ABCC2: variants seen among roughly 807,000 people sequenced by gnomAD.
The protein encoded by ABCC2 is ATP-binding cassette sub-family C member 2.
Under a neutral mutation model 173.4 loss-of-function variants are expected in ABCC2, and 157 were observed. The ratio of observed to expected loss-of-function variants is 0.91; its 90% confidence interval spans 0.80 to 1.03. The LOEUF is 1.03. Ranked by LOEUF, ABCC2 falls within the 50% of genes least tolerant of loss-of-function variation. ABCC2 has a pLI of 0.00. For synonymous variants in ABCC2, 657 were observed against 693.5 expected, an observed-to-expected ratio of 0.95 and a Z score of 0.83; for missense variants, 1,822 against 1,852.3, an observed-to-expected ratio of 0.98 and a Z score of 0.30.
chr10:99,782,726 C>A lies in ABCC2; in HGVS notation c.-119C>A. The A allele has an allele frequency of 8.5e-7, 1 of 1,181,234 alleles. No homozygotes were observed. The highest frequency in any genetic ancestry group is 1.3e-6 in the Non-Finnish European group (1 of 798,978). The allele number at this position is 1,181,234 out of a possible 1,614,324, so 73.2% of individuals were successfully genotyped here. On this transcript the variant is annotated 5_prime_UTR_variant, in exon 1 of 32. Coordinates refer to ENST00000647814, the MANE Select transcript of ABCC2 (RefSeq NM_000392.5). ...GGTTGGGATGAAAGGTCATCCTTTA[C>A]GGAGAACATCAGAATGGTAGATAAT...
chr10:99,847,205 G>T lies in ABCC2; in HGVS notation c.4313+78G>T. On this transcript the variant is annotated intron_variant, in intron 30 of 31. Transcript: ENST00000647814. Reference sequence around the variant, plus strand: ...CCACTCCTCGTGTTCCTCGTGTTAGGTGATGCCTGGCATAGAATTTTCATC... The same window carrying T: ...CCACTCCTCGTGTTCCTCGTGTTAGTTGATGCCTGGCATAGAATTTTCATC... 3 of 1,513,414 alleles carry T rather than the reference G, an allele frequency of 2.0e-6. No homozygotes were observed. In the Admixed American group the frequency reaches 5.1e-5, roughly 26 times the overall value. The allele number at this position is 1,513,414 out of a possible 1,614,324, so 93.7% of individuals were successfully genotyped here. A position where few individuals can be genotyped will look rare whatever the true frequency, so the allele number is the denominator to read the frequency against.
At chr10:99,842,205 AAAG>A in intron 26 of ABCC2, 112 bp downstream of exon 26, 2 of 1,478,206 alleles carry the variant, frequency 1.4e-6, no homozygotes, top group South Asian at 2.3e-5. Flanking sequence ...CAGAGGGACT[AAAG>A]AAGACTGAGG....
intron 3 of ABCC2, 151 bp downstream of exon 3, chr10:99,792,510 A>G: frequency 8.3e-7 from 1 of 1,209,566 alleles, no homozygotes; most frequent in Non-Finnish European, 1.2e-6. Context: ...GAATGGGGTG[A>G]AACAAATTTT....
At position 99,818,484 on chromosome 10, in the gene ABCC2, A is replaced by G. The variant is rs531521178; in HGVS notation, c.2272-306A>G. On this transcript the variant is annotated intron_variant, in intron 17 of 31. Transcript: ENST00000647814. Reference sequence around the variant, plus strand: ...CTACTATGTGCCAAACAGTGTTTTAAGTTCTGGAATTACATCCATGAACAA... The same window carrying G: ...CTACTATGTGCCAAACAGTGTTTTAGGTTCTGGAATTACATCCATGAACAA... 2.6e-5 allele frequency among the ~76,000 whole-genome samples: 4 copies of G among 152,360 alleles called. No individual in the cohort carries two copies. The South Asian group carries it at 8.3e-4, about 32-fold the overall frequency.
chr10:99,796,920 C>T (rs899007165), intron 6 of ABCC2, among the ~76,000 whole-genome samples, 177 bp from the exon 7 acceptor site: 6 of 152,138 alleles, frequency 3.9e-5, no homozygotes, highest in Non-Finnish European at 4.4e-5. Context: ...TTGCCCCCAC[C>T]CATTCCTTTT....
intron 11 of ABCC2, 105 bp downstream of exon 11, chr10:99,805,552 C>T (rs533841072): frequency 8.5e-6 from 10 of 1,177,706 alleles, no homozygotes; most frequent in East Asian, 7.0e-5. Context: ...GCTTCTGGGC[C>T]GGTTGTGTCA....
intron 2 of ABCC2, among the ~76,000 whole-genome samples, chr10:99,786,277 C>G (rs1036443771): frequency 6.6e-6 from 1 of 151,868 alleles, no homozygotes; most frequent in African/African-American, 2.4e-5. Flanking sequence ...GTCCCCATCT[C>G]TTAAAAAAAT....
At chr10:99,796,195 T>C (rs1287846848) in intron 6 of ABCC2, among the ~76,000 whole-genome samples, 4 of 151,898 alleles carry the variant, frequency 2.6e-5, no homozygotes, top group Non-Finnish European at 4.4e-5. Context: ...AAACCCCATC[T>C]CTACTAAAAA....
intron 2 of ABCC2, among the ~76,000 whole-genome samples, chr10:99,789,878 G>T (rs944341101): frequency 2.6e-5 from 4 of 152,126 alleles, no homozygotes; most frequent in Admixed American, 2.6e-4. Context: ...GTATCAAAAA[G>T]CCAGGATGAA....
intron 5 of ABCC2, 25 bp from the exon 6 acceptor site, chr10:99,794,388 A>C (rs1339980147): frequency 6.2e-7 from 1 of 1,608,876 alleles, no homozygotes; most frequent in East Asian, 2.2e-5. Context: ...ATTGGTTTAC[A>C]TTTCGATTTT....
Position 99,830,870 on chromosome 10 carries a change from AG to A in ABCC2, c.2883+20del. The A allele has an allele frequency of 5.0e-6, 8 of 1,613,610 alleles. No homozygotes were observed. The highest frequency in any genetic ancestry group is 6.8e-6 in the Non-Finnish European group (8 of 1,179,918). On this transcript the variant is annotated intron_variant, in intron 21 of 31. Coordinates refer to ENST00000647814, the MANE Select transcript of ABCC2 (RefSeq NM_000392.5). ...TGGAAAGGTGAACACCACACAGAAA[AG>A]TAGCATTTGAGGTGTTATAAGGTTT...
rs1564684465 is a variant in ABCC2, at chr10:99,814,315, ACACACG to A, written c.2094+1172_2094+1177del. ...CACGTATGTATACACACATGTATAT[ACACACG>A]TATGTATACACACATGTATATATAC... On this transcript the variant is annotated intron_variant, in intron 16 of 31. Coordinates refer to ENST00000647814, the MANE Select transcript of ABCC2 (RefSeq NM_000392.5). 1.0e-4 allele frequency among the ~76,000 whole-genome samples: 13 copies of A among 125,336 alleles called. No individual in the cohort carries two copies. The East Asian group carries it at 2.1e-3, about 20-fold the overall frequency. 82.2% of individuals were successfully genotyped at this position (125,336 alleles called of 152,430 possible). A position where few individuals can be genotyped will look rare whatever the true frequency, so the allele number is the denominator to read the frequency against.
intron 25 of ABCC2, among the ~76,000 whole-genome samples, chr10:99,837,484 AT>A (rs1175597570): frequency 1.5e-4 from 1 of 6,612 alleles, no homozygotes; most frequent in African/African-American, 5.7e-4. Flanking sequence ...TTTTAAATTT[AT>A]TTTTTTATTG....
chr10:99,797,034 A>G (rs2037926538), intron 6 of ABCC2, 63 bp from the exon 7 acceptor site: 1 of 1,394,616 alleles, frequency 7.2e-7, no homozygotes, highest in South Asian at 1.2e-5. Flanking sequence ...TTCTGATAGA[A>G]GTGGTGGAGA....
At position 99,793,947 on chromosome 10, in the gene ABCC2, A is replaced by T. The variant is rs752628817; in HGVS notation, c.524A>T (p.Gln175Leu). The T allele has an allele frequency of 6.2e-7, 1 of 1,613,996 alleles. No homozygotes were observed. The highest frequency in any genetic ancestry group is 1.1e-5 in the South Asian group (1 of 91,076). ...CTGTTCTTCATCTCCTACGGATTCC[A>T]GATCCTGATCCTGATCTTTTCAGCA... The part of the protein sequence containing the change: ...SCLFFISYGF[Q>L]ILILIFSAFS... Residue 175 changes from glutamine (Q) to leucine (L), a missense_variant, in exon 5 of 32, where the codon CAG (glutamine) becomes CTG (leucine). By Grantham distance (113) the Gln-to-Leu change is moderately radical (BLOSUM62 -2). Coordinates refer to ENST00000647814, the MANE Select transcript of ABCC2 (RefSeq NM_000392.5).
chr10:99,827,553 A>G (rs2038665753), intron 19 of ABCC2, among the ~76,000 whole-genome samples: 1 of 152,126 alleles, frequency 6.6e-6, no homozygotes, highest in Admixed American at 6.5e-5. Flanking sequence ...AGCTGCTTTA[A>G]TAATGGCCCA....
chr10:99,832,726 G>C (rs1011152832), intron 23 of ABCC2, among the ~76,000 whole-genome samples: 1 of 152,184 alleles, frequency 6.6e-6, no homozygotes, highest in Non-Finnish European at 1.5e-5. Context: ...CTGGACTATG[G>C]AATAGAGCCA....
chr10:99,832,955 G>A (rs2038764392), intron 23 of ABCC2, among the ~76,000 whole-genome samples: 1 of 152,196 alleles, frequency 6.6e-6, no homozygotes, highest in South Asian at 2.1e-4. Context: ...TATCTGAGAT[G>A]GGAATTCAGG....
Position 99,799,094 on chromosome 10 carries a change from G to T in ABCC2, c.868-113G>T, listed in dbSNP as rs550082920. On this transcript the variant is annotated intron_variant, in intron 7 of 31. Coordinates refer to ENST00000647814, the MANE Select transcript of ABCC2 (RefSeq NM_000392.5). Reference sequence around the variant, plus strand: ...AGAAGCAACTAGGCCAGGGAGAGATGATCAAAACCTGTACAGAGAAGGCCA... The same window carrying T: ...AGAAGCAACTAGGCCAGGGAGAGATTATCAAAACCTGTACAGAGAAGGCCA... The T allele has an allele frequency of 4.2e-4, 504 of 1,189,458 alleles. No homozygotes were observed. In the African/African-American group the frequency reaches 6.5e-3, roughly 15 times the overall value. The allele number at this position is 1,189,458 out of a possible 1,614,324, so 73.7% of individuals were successfully genotyped here.
Sources: allele counts gnomAD v4.1 joint callset (sites outside exome capture counted in the v4.1 genomes callset), GRCh38; gene constraint gnomAD v4.1.1; transcripts MANE v1.5; gene names NCBI Gene and HGNC (gene_info 2026-07-23, HGNC 2026-07-21).